The following MUSK variants were observed in gnomAD, a reference collection of about 807,000 sequenced individuals.
MUSK encodes muscle, skeletal receptor tyrosine-protein kinase.
MUSK carries 55 observed loss-of-function variants against 88.7 expected under a neutral mutation model. The ratio of observed to expected loss-of-function variants is 0.62; its 90% CI spans 0.50 to 0.78. The LOEUF is 0.78. MUSK is among the 30% of genes least tolerant of loss of function. MUSK has a pLI of 0.00. For missense variants in MUSK, 1,015 were observed against 1,074.3 expected (o/e 0.94, Z 0.77); for synonymous variants, 387 against 391.9 (o/e 0.99, Z 0.15).
intron 5 of MUSK, chr9:110,706,278 G>T (rs2076597316): frequency 9.5e-6 from 3 of 315,926 alleles, no homozygotes; most frequent in Non-Finnish European, 1.9e-5. Flanking sequence ...AGAAATGAAA[G>T]CATTATTTTC....
intron 6 of MUSK, among the ~76,000 whole-genome samples, chr9:110,735,033 T>C (rs1328486807): frequency 6.6e-6 from 1 of 152,046 alleles, no homozygotes; most frequent in Non-Finnish European, 1.5e-5. Flanking sequence ...TCAAATGCCA[T>C]GCAGAAAAAT....
chr9:110,775,343 C>G (rs1482588035), intron 9 of MUSK: 2 of 213,790 alleles, frequency 9.4e-6, no homozygotes, highest in African/African-American at 4.7e-5. Context: ...CTGTGTTCCT[C>G]GAGCCCTACC....
chr9:110,786,723 G>A (rs1254852824), intron 13 of MUSK, among the ~76,000 whole-genome samples: 1 of 152,174 alleles, frequency 6.6e-6, no homozygotes, highest in Non-Finnish European at 1.5e-5. Context: ...AAAGGAGTAT[G>A]TATTAGGGCC....
At chr9:110,679,439 C>T (rs184048929) in intron 1 of MUSK, among the ~76,000 whole-genome samples, 2 of 152,050 alleles carry the variant, frequency 1.3e-5, no homozygotes. Flanking sequence ...TTTCCCTCCC[C>T]TTTATTTTTA....
At chr9:110,694,400 AAAAAAAC>A (rs1564224169) in intron 3 of MUSK, among the ~76,000 whole-genome samples, 3 of 130,436 alleles carry the variant, frequency 2.3e-5, no homozygotes, top group African/African-American at 6.2e-5. Flanking sequence ...AAAAAAAAAA[AAAAAAAC>A]AAAAAAACAA....
chr9:110,689,398 T>TA (rs2076254880), intron 3 of MUSK, among the ~76,000 whole-genome samples: 2 of 113,042 alleles, frequency 1.8e-5, no homozygotes, highest in African/African-American at 7.4e-5. Flanking sequence ...TAAAAATATG[T>TA]GAAAAATACA....
chr9:110,684,604 C>T (rs2076171240), intron 2 of MUSK, among the ~76,000 whole-genome samples: 1 of 151,776 alleles, frequency 6.6e-6, no homozygotes, highest in Non-Finnish European at 1.5e-5. Flanking sequence ...TTCTTCCAAT[C>T]CATTAATATG....
rs1402812397 is a variant in MUSK, at chr9:110,701,686, T to C, written c.628+4220T>C. Among the ~76,000 whole-genome samples, 2 of 6,748 alleles carry C rather than the reference T, an allele frequency of 3.0e-4. 1 individual carries two copies. The highest frequency in any genetic ancestry group is 4.6e-4 in the Non-Finnish European group (2 of 4,338). The allele number at this position is 6,748 out of a possible 152,430, so 4.4% of individuals were successfully genotyped here. ...ATTTATTTTATTTTATTTTTTTTACTTTACTTTATTTTATTTTATTTTATT... is the reference window on the plus strand; with the variant it reads ...ATTTATTTTATTTTATTTTTTTTACCTTACTTTATTTTATTTTATTTTATT... On this transcript the variant is annotated intron_variant, in intron 5 of 14. Coordinates refer to ENST00000374448, the MANE Select transcript of MUSK (RefSeq NM_005592.4).
At chr9:110,686,966 A>T in intron 2 of MUSK, 151 bp from the exon 3 acceptor site, 1 of 626,786 alleles carries the variant, frequency 1.6e-6, no homozygotes, top group Non-Finnish European at 2.7e-6. Context: ...TATATTATCA[A>T]GTAAGGTTAT....
At chr9:110,760,616 T>C (rs554569376) in intron 7 of MUSK, among the ~76,000 whole-genome samples, 1 of 152,088 alleles carries the variant, frequency 6.6e-6, no homozygotes, top group East Asian at 1.9e-4. Context: ...AGAACAACTT[T>C]CGGGCACTAT....
At chr9:110,782,452 C>T (rs931312806) in intron 11 of MUSK, among the ~76,000 whole-genome samples, 1 of 152,152 alleles carries the variant, frequency 6.6e-6, no homozygotes, top group Non-Finnish European at 1.5e-5. Context: ...CTCACTAAAT[C>T]ATCATAGATT....
At chr9:110,788,175 G>T in intron 14 of MUSK, 1 of 228,646 alleles carries the variant, frequency 4.4e-6, no homozygotes, top group South Asian at 6.5e-5. Flanking sequence ...TACTTATTTT[G>T]TTTCTCCTCT....
intron 14 of MUSK, chr9:110,788,219 T>G: frequency 5.3e-6 from 1 of 187,770 alleles, no homozygotes; most frequent in Non-Finnish European, 1.1e-5. Flanking sequence ...GAGCAGCGAT[T>G]TGTATCTTTT....
At chr9:110,734,494 T>G (rs1167223215) in intron 6 of MUSK, 119 bp downstream of exon 6, 4 of 1,275,120 alleles carry the variant, frequency 3.1e-6, no homozygotes, top group Non-Finnish European at 4.4e-6. Flanking sequence ...ACACCACTTT[T>G]CAAAGCCTCC....
At chr9:110,695,825 T>G (rs559628429) in intron 4 of MUSK, among the ~76,000 whole-genome samples, 1 of 152,164 alleles carries the variant, frequency 6.6e-6, no homozygotes, top group Admixed American at 6.6e-5. Flanking sequence ...TTATTTTTTT[T>G]TAATGTTGAA....
intron 8 of MUSK, among the ~76,000 whole-genome samples, chr9:110,766,992 A>G (rs972896724): frequency 4.1e-4 from 62 of 152,318 alleles, no homozygotes; most frequent in Middle Eastern, 3.4e-3. Context: ...CCATTCTCCC[A>G]ATTGTCTTCA....
At chr9:110,684,270 T>C (rs2076167144) in intron 2 of MUSK, among the ~76,000 whole-genome samples, 1 of 152,094 alleles carries the variant, frequency 6.6e-6, no homozygotes, top group Non-Finnish European at 1.5e-5. Context: ...TTGGTACCTC[T>C]GTCAAAAATG....
At chr9:110,760,805 A>G (rs2077387055) in intron 7 of MUSK, among the ~76,000 whole-genome samples, 1 of 152,156 alleles carries the variant, frequency 6.6e-6, no homozygotes, top group African/African-American at 2.4e-5. Context: ...AAGTTATAAA[A>G]ACCTTCTAGT....
At chr9:110,718,684 C>T (rs937019748) in intron 5 of MUSK, among the ~76,000 whole-genome samples, 6 of 151,974 alleles carry the variant, frequency 3.9e-5, no homozygotes, top group Non-Finnish European at 8.8e-5. Flanking sequence ...AGGAAAACTT[C>T]CCTGGCCTCG....
Sources: allele counts gnomAD v4.1 joint callset (sites outside exome capture counted in the v4.1 genomes callset), GRCh38; gene constraint gnomAD v4.1.1; transcripts MANE v1.5; gene names NCBI Gene and HGNC (gene_info 2026-07-23, HGNC 2026-07-21).